Variants in KANSL3 observed in about 807,000 individuals in gnomAD.
The protein encoded by KANSL3 is NSL complex protein NSL3.
In KANSL3, 16 loss-of-function variants were observed where a neutral mutation model predicts 89.2. That is an observed-to-expected ratio of 0.18 (90% CI 0.12 to 0.27). The LOEUF (loss-of-function observed/expected upper bound fraction) is 0.27, where lower values mean the gene tolerates loss of function less well. Ranked by LOEUF, KANSL3 falls within the 10% of genes least tolerant of loss-of-function variation. The probability of loss-of-function intolerance (pLI) is 1.00; values close to 1 mark genes in which losing one functional copy is unlikely to be tolerated. For synonymous variants in KANSL3, 385 were observed against 419.7 expected (o/e 0.92, Z 1.01); for missense variants, 879 against 1,110.6 (o/e 0.79, Z 2.96).
In KANSL3 at chr2:96,605,302, G is replaced by A. The variant is rs778775858; in HGVS notation, c.1933+18C>T. 5.0e-6 allele frequency: 8 copies of A among 1,597,806 alleles called. No individual in the cohort carries two copies. The highest frequency in any genetic ancestry group is 2.2e-5 in the East Asian group (1 of 44,598). ...TGAGAGAGCTCAGTTCTCATTTAAC[G>A]TACCAAGAGAAACTCACCTTCTGGA... On this transcript the variant is annotated intron_variant, in intron 15 of 20. Coordinates refer to ENST00000431828, the MANE Select transcript of KANSL3 (RefSeq NM_001115016.3).
intron 2 of KANSL3, among the ~76,000 whole-genome samples, chr2:96,633,035 C>T (rs1044594645): frequency 1.3e-5 from 2 of 151,280 alleles, no homozygotes; most frequent in South Asian, 2.1e-4. Flanking sequence ...AATCCCAGCA[C>T]TTTGGGAGGC....
chr2:96,583,475 C>G, the KANSL3 span, among the ~76,000 whole-genome samples: 1 of 152,180 alleles, frequency 6.6e-6, no homozygotes, highest in Non-Finnish European at 1.5e-5. Context: ...TAACCGCAGA[C>G]TAGTTTTGTT....
chr2:96,637,367 A>C (rs1193625816), intron 1 of KANSL3, 182 bp from the exon 2 acceptor site: 1 of 503,622 alleles, frequency 2.0e-6, no homozygotes, highest in South Asian at 3.2e-5. Context: ...AAGAAAAAAA[A>C]AACTATGGTG....
chr2:96,618,382 G>C (rs544237379), intron 5 of KANSL3, among the ~76,000 whole-genome samples: 2 of 152,240 alleles, frequency 1.3e-5, no homozygotes, highest in East Asian at 3.9e-4. Flanking sequence ...TAGAGACAAG[G>C]TCTTGCTATG....
At chr2:96,633,010 A>G (rs2073684829) in intron 2 of KANSL3, among the ~76,000 whole-genome samples, 1 of 151,790 alleles carries the variant, frequency 6.6e-6, no homozygotes, top group South Asian at 2.1e-4. Flanking sequence ...AGGGCTCACA[A>G]GGGCTCAGGC....
chr2:96,600,923 C>T (rs1215910103), intron 20 of KANSL3: 1 of 983,318 alleles, frequency 1.0e-6, no homozygotes, highest in Non-Finnish European at 1.2e-6. Context: ...GGCGGGAGGA[C>T]CACTTAAACC....
At chr2:96,596,647 A>G (rs2066562133) in intron 20 of KANSL3, among the ~76,000 whole-genome samples, 1 of 152,174 alleles carries the variant, frequency 6.6e-6, no homozygotes, top group African/African-American at 2.4e-5. Flanking sequence ...CTCAATCAAA[A>G]ACAAAAACAA....
the KANSL3 span, among the ~76,000 whole-genome samples, chr2:96,585,411 A>G: frequency 1.3e-5 from 2 of 152,356 alleles, no homozygotes; most frequent in South Asian, 4.1e-4. Context: ...AATGCAAATC[A>G]AAGCCAGTGT....
At chr2:96,636,780 T>C (rs2074310198) in intron 2 of KANSL3, 141 bp downstream of exon 2, 1 of 687,514 alleles carries the variant, frequency 1.5e-6, no homozygotes, top group Non-Finnish European at 2.4e-6. Flanking sequence ...GCTATCCTTA[T>C]GCTGCTTAAG....
Position 96,593,363 on chromosome 2 carries a change from T to C in KANSL3, c.*2248A>G, listed in dbSNP as rs2066341085. The C allele has an allele frequency of 2.2e-6, 1 of 454,988 alleles. No homozygotes were observed. Among genetic ancestry groups the C allele is most frequent in the South Asian group, 1.6e-5 (1 of 64,474 alleles). 28.2% of individuals were successfully genotyped at this position (454,988 alleles called of 1,614,324 possible). A position where few individuals can be genotyped will look rare whatever the true frequency, so the allele number is the denominator to read the frequency against. ...TCAACATGCATCTGTCATCCAAGAA[T>C]CTAAGAACTTCCTGATCCTTCCACA... On this transcript the variant is annotated 3_prime_UTR_variant, in exon 21 of 21. Transcript: ENST00000431828.
At chr2:96,627,188 G>A (rs995643460) in intron 3 of KANSL3, among the ~76,000 whole-genome samples, 1 of 151,470 alleles carries the variant, frequency 6.6e-6, no homozygotes. Flanking sequence ...AAGAAAGCCA[G>A]AGTCAGGGGC....
chr2:96,636,889 GT>G, intron 2 of KANSL3, 31 bp downstream of exon 2: 1 of 1,470,004 alleles, frequency 6.8e-7, no homozygotes, highest in South Asian at 1.4e-5. Context: ...GCCCAGTGAG[GT>G]TACCAGCAGC....
rs762794513 is a variant in KANSL3, at chr2:96,612,573, A to T, written c.913-10T>A. On this transcript the variant is annotated splice_polypyrimidine_tract_variant and intron_variant, in intron 7 of 20. Transcript: ENST00000431828. The stretch of plus-strand genomic sequence containing the variant: ...TGGCTACAGGGATGACCTGAAGGAA[A>T]GAAGTAGCCCCCACACCAGCAGAGG... 6.2e-7 allele frequency: 1 copy of T among 1,604,260 alleles called. No individual in the cohort carries two copies. Among genetic ancestry groups the T allele is most frequent in the Admixed American group, 1.7e-5 (1 of 59,862 alleles).
intron 19 of KANSL3, 95 bp downstream of exon 19, chr2:96,602,021 G>A: frequency 2.3e-6 from 3 of 1,288,472 alleles, no homozygotes; most frequent in Non-Finnish European, 2.1e-6. Context: ...CTGTGGGACT[G>A]GTTTCAACAT....
At chr2:96,591,696 A>G (rs2066277507), downstream of KANSL3, among the ~76,000 whole-genome samples, 1 of 152,158 alleles carries the variant, frequency 6.6e-6, no homozygotes, top group Non-Finnish European at 1.5e-5. Context: ...AGATAAGGAG[A>G]ACCAACCCAC....
At chr2:96,631,913 G>A (rs1043247191) in intron 2 of KANSL3, among the ~76,000 whole-genome samples, 41 of 151,990 alleles carry the variant, frequency 2.7e-4, no homozygotes, top group Admixed American at 2.3e-3. Context: ...TGGGCATGTG[G>A]CACACACCTG....
intron 9 of KANSL3, 29 bp from the exon 10 acceptor site, chr2:96,611,167 C>A (rs752325228): frequency 6.2e-7 from 1 of 1,600,906 alleles, no homozygotes; most frequent in East Asian, 2.2e-5. Context: ...TTTGTCTAAA[C>A]GTCAACTGAG....
Position 96,609,950 on chromosome 2 carries a change from C to CAAAAAAAAAAAAAA in KANSL3, c.1320-402_1320-389dup, listed in dbSNP as rs35175492. On this transcript the variant is annotated intron_variant, in intron 11 of 20. Transcript: ENST00000431828. Reference sequence around the variant, plus strand: ...TAGGCGACAGAGCCAGGCGCCACCTCAAAAAAAAAAAAAAAAAAAAAAAAA... The same window carrying CAAAAAAAAAAAAAA: ...TAGGCGACAGAGCCAGGCGCCACCTCAAAAAAAAAAAAAAAAAAAAAAAAAAAAAAAAAAAAAAA... 2.3e-4 allele frequency among the ~76,000 whole-genome samples: 5 copies of CAAAAAAAAAAAAAA among 21,614 alleles called. 2 individuals are homozygous for CAAAAAAAAAAAAAA. Among genetic ancestry groups the CAAAAAAAAAAAAAA allele is most frequent in the African/African-American group, 6.2e-4 (3 of 4,874 alleles). 14.2% of individuals were successfully genotyped at this position (21,614 alleles called of 152,430 possible). A position where few individuals can be genotyped will look rare whatever the true frequency, so the allele number is the denominator to read the frequency against.
At chr2:96,589,140 C>G (rs1214912586), downstream of KANSL3, among the ~76,000 whole-genome samples, 3 of 151,980 alleles carry the variant, frequency 2.0e-5, no homozygotes, top group Non-Finnish European at 4.4e-5. Context: ...TTCAAGTAAC[C>G]CACTTACAGG....
Sources: allele counts gnomAD v4.1 joint callset (sites outside exome capture counted in the v4.1 genomes callset), GRCh38; gene constraint gnomAD v4.1.1; transcripts MANE v1.5; gene names NCBI Gene and HGNC (gene_info 2026-07-23, HGNC 2026-07-21).